Variants in ZC3H13 observed in about 807,000 individuals in gnomAD.
ZC3H13 encodes zinc finger CCCH-type containing 13.
A neutral mutation model predicts 204.1 loss-of-function variants in ZC3H13; 64 were observed. The ratio of observed to expected loss-of-function variants is 0.31; its 90% CI spans 0.26 to 0.39. ZC3H13 has a LOEUF of 0.39. Ranked by LOEUF, ZC3H13 falls within the 10% of genes least tolerant of loss-of-function variation. The pLI is 1.00. For missense variants in ZC3H13, 1,833 were observed against 2,082.7 expected (o/e 0.88, Z 2.33); for synonymous variants, 667 against 693.7 (o/e 0.96, Z 0.60).
intron 7 of ZC3H13, 52 bp downstream of exon 7, chr13:46,010,296 G>C (rs771094385): frequency 2.7e-6 from 4 of 1,466,032 alleles, no homozygotes; most frequent in African/African-American, 2.8e-5. Flanking sequence ...ATTCTTTTTA[G>C]TATCACTTCA....
chr13:45,980,127 T>C (rs1953429677), intron 10 of ZC3H13, 123 bp from the exon 11 acceptor site: 1 of 878,026 alleles, frequency 1.1e-6, no homozygotes, highest in Non-Finnish European at 1.6e-6. Flanking sequence ...AGTGTGGTAA[T>C]CACTCCTGAA....
In ZC3H13 at chr13:46,010,501, G is replaced by A. The variant is rs2041475572; in HGVS notation, c.593C>T (p.Ser198Leu). ...REEIIIKKEV[S>L]PEVVRSKLSP... ...CAATTTTGATCTAACCACTTCTGGT[G>A]AAACCTTTAAAAAAATTCAGTAAGT... The change falls in exon 7 of 19, where the codon TCA (serine) becomes TTA (leucine). Residue 198 changes from serine to leucine, a missense_variant. Ser to Leu is a moderately radical substitution (Grantham distance 145, BLOSUM62 -2). Around this residue, in one of 5 missense-constraint regions of ZC3H13, gnomAD observed 1,574 missense variants for 1,757.2 expected, o/e 0.90. Transcript: ENST00000679008. 13 of 1,607,786 alleles carry A rather than the reference G, an allele frequency of 8.1e-6. No individual in the cohort carries two copies. The highest frequency in any genetic ancestry group is 1.0e-5 in the Non-Finnish European group (12 of 1,175,332).
chr13:45,972,482 T>C (rs944558508), intron 12 of ZC3H13, among the ~76,000 whole-genome samples: 1 of 152,118 alleles, frequency 6.6e-6, no homozygotes, highest in African/African-American at 2.4e-5. Flanking sequence ...AAAACGTACA[T>C]GTTTGGTACA....
intron 10 of ZC3H13, among the ~76,000 whole-genome samples, chr13:45,983,401 T>TATATATATATATA (rs1953842302): frequency 2.5e-4 from 9 of 35,488 alleles, no homozygotes; most frequent in South Asian, 2.3e-3. Flanking sequence ...CCCCTTCTAC[T>TATATATATATATA]TATATATATA....
intron 8 of ZC3H13, among the ~76,000 whole-genome samples, chr13:45,995,149 A>C (rs1386721479): frequency 6.6e-6 from 1 of 152,108 alleles, no homozygotes; most frequent in Non-Finnish European, 1.5e-5. Context: ...TTGACTCTAT[A>C]TTATGCATTT....
intron 7 of ZC3H13, among the ~76,000 whole-genome samples, chr13:46,004,573 G>T (rs1323029016): frequency 2.6e-5 from 4 of 151,964 alleles, no homozygotes; most frequent in South Asian, 4.1e-4. Context: ...GCAGATTTAG[G>T]TAATCATTTT....
Position 45,956,960 on chromosome 13 carries a change from T to C in ZC3H13, c.*167A>G, listed in dbSNP as rs1566128534. ...GTAAAAATTAACGTAAAATCTTAAG[T>C]TGGCCAAAACTAGTGTCTCTAAAGA... On this transcript the variant is annotated 3_prime_UTR_variant, in exon 19 of 19. Transcript: ENST00000679008. The C allele has an allele frequency of 1.1e-5, 6 of 529,578 alleles. No individual in the cohort carries two copies. The highest frequency in any genetic ancestry group is 1.7e-5 in the Non-Finnish European group (6 of 344,942). The allele number at this position is 529,578 out of a possible 1,614,324, so 32.8% of individuals were successfully genotyped here.
At chr13:46,035,764 A>G (rs764129146) in intron 4 of ZC3H13, among the ~76,000 whole-genome samples, 4 of 152,220 alleles carry the variant, frequency 2.6e-5, no homozygotes, top group Non-Finnish European at 5.9e-5. Flanking sequence ...GGTTCTCACC[A>G]TAACTTGTGA....
chr13:46,047,397 T>A (rs1199045460), intron 1 of ZC3H13, among the ~76,000 whole-genome samples: 1 of 152,188 alleles, frequency 6.6e-6, no homozygotes, highest in African/African-American at 2.4e-5. Context: ...GAGCATCACA[T>A]AAACAATAAT....
chr13:46,031,618 G>A (rs1207736015), intron 4 of ZC3H13, among the ~76,000 whole-genome samples: 1 of 152,036 alleles, frequency 6.6e-6, no homozygotes, highest in East Asian at 1.9e-4. Context: ...TTAAAAATAG[G>A]CAAAAGACCT....
At chr13:45,994,661 G>C (rs1428350933) in intron 8 of ZC3H13, among the ~76,000 whole-genome samples, 1 of 152,114 alleles carries the variant, frequency 6.6e-6, no homozygotes, top group Non-Finnish European at 1.5e-5. Context: ...CAGAGTAAGA[G>C]AATCGATATT....
rs772745067 is a variant in ZC3H13, at chr13:45,988,879, G to A, written c.1163C>T (p.Pro388Leu). The A allele has an allele frequency of 1.2e-6, 2 of 1,614,186 alleles. No individual in the cohort carries two copies. Among genetic ancestry groups the A allele is most frequent in the South Asian group, 2.2e-5 (2 of 91,084 alleles). ...SLSSPQRKQS[P>L]PRHRSPMREK... ...TCGCATTGGAGAGCGATGTCTTGGAGGACTCTGCTTTCTCTGGGGAGACGA... is the reference window on the plus strand; with the variant it reads ...TCGCATTGGAGAGCGATGTCTTGGAAGACTCTGCTTTCTCTGGGGAGACGA... The change falls in exon 9 of 19, where the codon CCT (proline) becomes CTT (leucine). Residue 388 changes from proline to leucine, a missense_variant. By Grantham distance (98) the Pro-to-Leu change is moderately conservative. Coordinates refer to ENST00000679008, the MANE Select transcript of ZC3H13 (RefSeq NM_001330564.2).
At chr13:46,002,380 T>C (rs1273301661) in intron 8 of ZC3H13, among the ~76,000 whole-genome samples, 1 of 152,116 alleles carries the variant, frequency 6.6e-6, no homozygotes, top group African/African-American at 2.4e-5. Context: ...AAATTAAAAA[T>C]AGAATTATCA....
intron 8 of ZC3H13, among the ~76,000 whole-genome samples, chr13:45,990,755 C>T (rs2039910038): frequency 6.6e-6 from 1 of 151,382 alleles, no homozygotes; most frequent in African/African-American, 2.4e-5. Context: ...AAATTAGAGT[C>T]AGTATTGTCT....
chr13:46,041,803 T>A (rs973495569), intron 4 of ZC3H13, among the ~76,000 whole-genome samples: 1 of 152,172 alleles, frequency 6.6e-6, no homozygotes, highest in African/African-American at 2.4e-5. Flanking sequence ...TTGTAAGTGT[T>A]CTACTGCAAG....
At chr13:46,015,063 T>C (rs2041828594) in intron 5 of ZC3H13, among the ~76,000 whole-genome samples, 1 of 152,212 alleles carries the variant, frequency 6.6e-6, no homozygotes, top group Admixed American at 6.5e-5. Context: ...TCTATGACAT[T>C]ATTTCTCAGA....
rs202184826 is a variant in ZC3H13 at position 45,988,909 on chromosome 13, G to C, written c.1133C>G (p.Ser378Cys). 3.0e-5 allele frequency: 49 copies of C among 1,614,074 alleles called. No homozygotes were observed. Among genetic ancestry groups the C allele is most frequent in the Non-Finnish European group, 3.6e-5 (43 of 1,180,044 alleles). The change falls in exon 9 of 19, where the codon TCT becomes TGT. Residue 378 changes from serine to cysteine, a missense_variant. Around this residue, in one of 5 missense-constraint regions of ZC3H13, gnomAD observed 1,574 missense variants for 1,757.2 expected, o/e 0.90. Coordinates refer to ENST00000679008, the MANE Select transcript of ZC3H13 (RefSeq NM_001330564.2). ...RRSASPYPSH[S>C]LSSPQRKQSP... ...CTGCTTTCTCTGGGGAGACGACAAAGAATGTGAAGGATAAGGAGAGGCAGA... is the reference window on the plus strand; with the variant it reads ...CTGCTTTCTCTGGGGAGACGACAAACAATGTGAAGGATAAGGAGAGGCAGA...
At chr13:45,970,825 T>C (rs1952523058) in intron 12 of ZC3H13, among the ~76,000 whole-genome samples, 1 of 152,198 alleles carries the variant, frequency 6.6e-6, no homozygotes, top group South Asian at 2.1e-4. Flanking sequence ...TCTTATGATA[T>C]AAAAATGCCT....
intron 17 of ZC3H13, chr13:45,963,524 C>A: frequency 9.3e-7 from 1 of 1,070,088 alleles, no homozygotes; most frequent in Non-Finnish European, 1.1e-6. Context: ...TGGGCTCCAG[C>A]AATCCTGCTG....
Sources: allele counts gnomAD v4.1 joint callset (sites outside exome capture counted in the v4.1 genomes callset), GRCh38; gene constraint gnomAD v4.1.1; regional missense constraint gnomAD v4.1.1; transcripts MANE v1.5; gene names NCBI Gene and HGNC (gene_info 2026-07-23, HGNC 2026-07-21).